The following UGGT1 variants were observed in gnomAD, a reference collection of about 807,000 sequenced individuals.
The protein encoded by UGGT1 is UDP-glucose glycoprotein glucosyltransferase 1.
A neutral mutation model predicts 203.9 loss-of-function variants in UGGT1; 107 were observed. That is an observed-to-expected ratio of 0.52 (90% CI 0.45 to 0.62). The LOEUF is 0.62. UGGT1 is among the 20% of genes least tolerant of loss of function. The pLI is 0.00. For missense variants in UGGT1, 1,673 were observed against 1,867.2 expected, an observed-to-expected ratio of 0.90 and a Z score of 1.92; for synonymous variants, 628 against 653.5, an observed-to-expected ratio of 0.96 and a Z score of 0.59.
chr2:128,173,396 A>G (rs1691214335), intron 29 of UGGT1, among the ~76,000 whole-genome samples: 1 of 152,106 alleles, frequency 6.6e-6, no homozygotes, highest in Non-Finnish European at 1.5e-5. Context: ...TTAGGTCTTT[A>G]ATTTTTTTCA....
rs1342072493 is a variant in UGGT1, at chr2:128,100,886, A to C, written c.195-3046A>C. ...CTAAAATTGCCAGCCCTAATTGCTCAATATTTTCAGTTTCTTTGATCACTG... is the reference window on the plus strand; with the variant it reads ...CTAAAATTGCCAGCCCTAATTGCTCCATATTTTCAGTTTCTTTGATCACTG... On this transcript the variant is annotated intron_variant, in intron 2 of 40. Coordinates refer to ENST00000259253, the MANE Select transcript of UGGT1 (RefSeq NM_020120.4). 3.3e-5 allele frequency among the ~76,000 whole-genome samples: 5 copies of C among 152,312 alleles called. No individual in the cohort carries two copies. In the East Asian group the frequency reaches 5.8e-4, roughly 18 times the overall value.
chr2:128,171,727 C>G (rs1437424520), intron 28 of UGGT1, among the ~76,000 whole-genome samples: 2 of 152,098 alleles, frequency 1.3e-5, no homozygotes, highest in Non-Finnish European at 2.9e-5. Flanking sequence ...AGCCTGGTCT[C>G]GAACTCCTGA....
At chr2:128,161,763 A>G (rs1420733710) in intron 25 of UGGT1, among the ~76,000 whole-genome samples, 2 of 152,164 alleles carry the variant, frequency 1.3e-5, no homozygotes, top group Admixed American at 6.5e-5. Flanking sequence ...TTTCAGTGTT[A>G]TTATAAGCTG....
intron 4 of UGGT1, among the ~76,000 whole-genome samples, chr2:128,108,411 G>C (rs1558755814): frequency 6.6e-6 from 1 of 152,154 alleles, no homozygotes; most frequent in Non-Finnish European, 1.5e-5. Flanking sequence ...GGCAAGAAAT[G>C]TTTAGCATCA....
intron 4 of UGGT1, 48 bp from the exon 5 acceptor site, chr2:128,109,586 G>A (rs558644240): frequency 1.9e-5 from 28 of 1,439,914 alleles, no homozygotes; most frequent in African/African-American, 2.8e-5. Context: ...TCTTTATCTC[G>A]TCTTTGGTTA....
At chr2:128,147,234 A>G (rs1265176336) in intron 18 of UGGT1, among the ~76,000 whole-genome samples, 3 of 152,190 alleles carry the variant, frequency 2.0e-5, no homozygotes, top group Admixed American at 2.0e-4. Context: ...TCTATCTTCA[A>G]ATTCACTTAT....
chr2:128,094,123 A>G (rs1313535533), intron 1 of UGGT1, among the ~76,000 whole-genome samples: 1 of 152,158 alleles, frequency 6.6e-6, no homozygotes, highest in African/African-American at 2.4e-5. Flanking sequence ...ATCAGGAATC[A>G]CCACTTTCTG....
At chr2:128,169,703 A>T (rs796618436) in intron 26 of UGGT1, among the ~76,000 whole-genome samples, 1 of 152,234 alleles carries the variant, frequency 6.6e-6, no homozygotes, top group Admixed American at 6.5e-5. Flanking sequence ...ATTATTTCTT[A>T]TAGAGGATGC....
chr2:128,178,582 G>T lies in UGGT1; in HGVS notation c.3815+13G>T. 2 of 1,584,780 alleles carry T rather than the reference G, an allele frequency of 1.3e-6. No individual in the cohort carries two copies. Among genetic ancestry groups the T allele is most frequent in the Non-Finnish European group, 1.7e-6 (2 of 1,166,668 alleles). On this transcript the variant is annotated intron_variant, in intron 34 of 40. Transcript: ENST00000259253. ...AAAGATTTCTTCGGTCAGTCTTGTT[G>T]ATTATTTCATTATATATGATGAATG... is the stretch of plus-strand genomic sequence containing the variant.
At position 128,091,328 on chromosome 2, in the gene UGGT1, G is replaced by C; in HGVS notation, c.-30G>C. On this transcript the variant is annotated 5_prime_UTR_variant, in exon 1 of 41. Transcript: ENST00000259253. ...CCGCCCTGCCCTGGCGTTGTCTCTG[G>C]CACTGTGGCGGACTGACCACGGCCC... is the stretch of plus-strand genomic sequence containing the variant. The C allele has an allele frequency of 6.5e-7, 1 of 1,545,770 alleles. No homozygotes were observed. The highest frequency in any genetic ancestry group is 8.7e-7 in the Non-Finnish European group (1 of 1,145,136).
intron 26 of UGGT1, among the ~76,000 whole-genome samples, chr2:128,169,872 T>C (rs1193489125): frequency 6.6e-6 from 1 of 152,226 alleles, no homozygotes; most frequent in Non-Finnish European, 1.5e-5. Context: ...ATAGTGAATA[T>C]TTTGTGATTA....
chr2:128,115,358 T>G (rs775334937), intron 7 of UGGT1, 138 bp downstream of exon 7: 1 of 697,732 alleles, frequency 1.4e-6, no homozygotes, highest in Non-Finnish European at 2.4e-6. Context: ...CCTGAGTGGG[T>G]GACCCTTAAG....
rs377000521 is a variant in UGGT1 at position 128,171,192 on chromosome 2, G to A, written c.3025-13G>A. 3.0e-5 allele frequency: 48 copies of A among 1,600,556 alleles called. No individual in the cohort carries two copies. The highest frequency in any genetic ancestry group is 4.0e-5 in the Non-Finnish European group (47 of 1,176,130). On this transcript the variant is annotated splice_polypyrimidine_tract_variant and intron_variant, in intron 27 of 40. Transcript: ENST00000259253. Reference sequence around the variant, plus strand: ...AAAATCCTAAATATTTTGTCATCTGGTTTTCCTTCTAGGTTTTGGCTCAGC... The same window carrying A: ...AAAATCCTAAATATTTTGTCATCTGATTTTCCTTCTAGGTTTTGGCTCAGC...
intron 19 of UGGT1, among the ~76,000 whole-genome samples, chr2:128,154,392 G>C (rs370494226): frequency 6.8e-4 from 103 of 152,266 alleles, no homozygotes; most frequent in South Asian, 1.9e-3. Flanking sequence ...AACAGTGCTA[G>C]TCCACAGTGG....
chr2:128,142,481 A>T (rs993662599), intron 16 of UGGT1, among the ~76,000 whole-genome samples: 10 of 149,066 alleles, frequency 6.7e-5, no homozygotes, highest in Non-Finnish European at 1.3e-4. Context: ...GCTACTCAGG[A>T]GGCTGAGGCA....
chr2:128,186,961 A>G (rs1692014427), intron 39 of UGGT1, among the ~76,000 whole-genome samples, 162 bp downstream of exon 39: 1 of 152,146 alleles, frequency 6.6e-6, no homozygotes, highest in Non-Finnish European at 1.5e-5. Flanking sequence ...CTTATCTTAC[A>G]GAATATTCTT....
chr2:128,186,809 A>G lies in UGGT1; in HGVS notation c.4476+10A>G, dbSNP rs745700142. On this transcript the variant is annotated intron_variant, in intron 39 of 40. Coordinates refer to ENST00000259253, the MANE Select transcript of UGGT1 (RefSeq NM_020120.4). ...AAAAACCATTGATTTGGTAAGCCGT[A>G]TGTGGTGTGCTTCTGCATGTTCATC... 1.9e-6 allele frequency: 3 copies of G among 1,601,168 alleles called. No homozygotes were observed. The South Asian group carries it at 3.3e-5, about 18-fold the overall frequency.
intron 15 of UGGT1, among the ~76,000 whole-genome samples, chr2:128,135,840 G>T (rs1168661908): frequency 6.6e-6 from 1 of 152,220 alleles, no homozygotes; most frequent in Non-Finnish European, 1.5e-5. Flanking sequence ...GAGGAAAACA[G>T]AGGGTTCTGA....
chr2:128,145,680 AT>A, intron 17 of UGGT1, 122 bp from the exon 18 acceptor site: 1 of 893,072 alleles, frequency 1.1e-6, no homozygotes, highest in Non-Finnish European at 1.6e-6. Context: ...ATCTTGAGTT[AT>A]TTTTTCTTTA....
Sources: allele counts gnomAD v4.1 joint callset (sites outside exome capture counted in the v4.1 genomes callset), GRCh38; gene constraint gnomAD v4.1.1; transcripts MANE v1.5; gene names NCBI Gene and HGNC (gene_info 2026-07-23, HGNC 2026-07-21).